GRIN2A: variants seen among roughly 807,000 people sequenced by gnomAD.
GRIN2A encodes glutamate ionotropic receptor NMDA type subunit 2A, also known as glutamate receptor ionotropic, NMDA 2A.
In GRIN2A, 22 loss-of-function variants were observed where a neutral mutation model predicts 113.4. The ratio of observed to expected loss-of-function variants is 0.19; its 90% confidence interval spans 0.14 to 0.28. GRIN2A has a LOEUF of 0.28. Among genes scored for constraint, GRIN2A ranks in the 10% least tolerant of loss-of-function variants. The pLI, the probability that GRIN2A is intolerant of heterozygous loss-of-function variation, is 1.00. For synonymous variants in GRIN2A, 827 were observed against 738.4 expected, an observed-to-expected ratio of 1.12 and a Z score of -1.94; for missense variants, 1,502 against 1,887.0, an observed-to-expected ratio of 0.80 and a Z score of 3.78.
intron 2 of GRIN2A, among the ~76,000 whole-genome samples, chr16:9,977,149 A>G (rs1270581336): frequency 6.6e-6 from 1 of 152,152 alleles, no homozygotes; most frequent in East Asian, 1.9e-4. Flanking sequence ...TAAACAAGCC[A>G]GGTGTGGGGA....
intron 2 of GRIN2A, among the ~76,000 whole-genome samples, chr16:10,078,181 T>A (rs1007441256): frequency 6.6e-6 from 1 of 152,188 alleles, no homozygotes; most frequent in African/African-American, 2.4e-5. Context: ...ACAACAATAA[T>A]GAAGTGCTTA....
chr16:10,090,154 A>G (rs2048159823), intron 2 of GRIN2A, among the ~76,000 whole-genome samples: 2 of 152,058 alleles, frequency 1.3e-5, no homozygotes, highest in South Asian at 2.1e-4. Flanking sequence ...CCTATACTCT[A>G]TTTTACCATA....
At chr16:9,807,870 G>A (rs528391099) in intron 10 of GRIN2A, among the ~76,000 whole-genome samples, 20 of 152,306 alleles carry the variant, frequency 1.3e-4, no homozygotes, top group Non-Finnish European at 7.3e-5. Flanking sequence ...TGACAGGAAG[G>A]AAAACATAAT....
intron 2 of GRIN2A, among the ~76,000 whole-genome samples, chr16:10,022,216 G>C (rs1246927523): frequency 1.3e-5 from 2 of 152,092 alleles, no homozygotes; most frequent in Non-Finnish European, 2.9e-5. Context: ...AAACTCCCTA[G>C]CAGAATAGAA....
intron 7 of GRIN2A, among the ~76,000 whole-genome samples, chr16:9,836,957 C>A (rs1254160595): frequency 2.0e-5 from 3 of 152,126 alleles, no homozygotes; most frequent in Non-Finnish European, 4.4e-5. Context: ...ACAGGAGATG[C>A]CATCTCTGTC....
chr16:10,131,990 A>G (rs1052070729), intron 2 of GRIN2A, among the ~76,000 whole-genome samples: 6 of 152,172 alleles, frequency 3.9e-5, no homozygotes, highest in South Asian at 2.1e-4. Context: ...ATATCCCTAA[A>G]AAAAAGTATT....
At position 9,817,130 on chromosome 16, in the gene GRIN2A, T is replaced by C. The variant is rs181969686; in HGVS notation, c.2168+5134A>G. Among the ~76,000 whole-genome samples, 27 of 152,328 alleles carry C rather than the reference T, an allele frequency of 1.8e-4. No homozygotes were observed. In the East Asian group the frequency reaches 4.8e-3, roughly 27 times the overall value. ...ATGCCTTTCTTCAAAAAATTAGGGA[T>C]TCCAAAGACAAGCATTTGGCTTGTC... On this transcript the variant is annotated intron_variant, in intron 10 of 12. Coordinates refer to ENST00000330684, the MANE Select transcript of GRIN2A (RefSeq NM_001134407.3).
intron 7 of GRIN2A, among the ~76,000 whole-genome samples, chr16:9,837,790 TA>T (rs1245436290): frequency 3.9e-5 from 6 of 152,172 alleles, no homozygotes; most frequent in African/African-American, 1.4e-4. Flanking sequence ...GCTCTCTTAT[TA>T]AAATACGAGT....
At chr16:9,828,826 T>G (rs1234671353) in intron 9 of GRIN2A, among the ~76,000 whole-genome samples, 2 of 151,890 alleles carry the variant, frequency 1.3e-5, no homozygotes, top group African/African-American at 4.8e-5. Context: ...AAAGAACCAG[T>G]GGGAAATTAA....
rs11575877 is a variant in GRIN2A at position 9,762,624 on chromosome 16, C to T, written c.*525G>A. On this transcript the variant is annotated 3_prime_UTR_variant, in exon 13 of 13. Coordinates refer to ENST00000330684, the MANE Select transcript of GRIN2A (RefSeq NM_001134407.3). ...CATAACAAGAAAGCTGAAACTGTTACGAGCCAAACTTCCTAATCTCTTGCA... is the reference window on the plus strand; with the variant it reads ...CATAACAAGAAAGCTGAAACTGTTATGAGCCAAACTTCCTAATCTCTTGCA... 7.1e-4 allele frequency: 170 copies of T among 239,604 alleles called. No homozygotes were observed. Among genetic ancestry groups the T allele is most frequent in the East Asian group, 3.5e-3 (57 of 16,480 alleles). The allele number at this position is 239,604 out of a possible 1,614,324, so 14.8% of individuals were successfully genotyped here.
chr16:9,776,577 C>A (rs186047337), intron 11 of GRIN2A, among the ~76,000 whole-genome samples: 6 of 152,234 alleles, frequency 3.9e-5, no homozygotes, highest in East Asian at 3.9e-4. Context: ...GAAATCAAGG[C>A]TGGCTCTTGG....
At chr16:9,941,900 G>C (rs1884092197) in intron 2 of GRIN2A, among the ~76,000 whole-genome samples, 5 of 152,140 alleles carry the variant, frequency 3.3e-5, no homozygotes, top group Admixed American at 3.3e-4. Context: ...CCCAGAAGTA[G>C]GGTGATTTTT....
At chr16:9,826,022 G>A (rs1385904987) in intron 9 of GRIN2A, among the ~76,000 whole-genome samples, 1 of 150,464 alleles carries the variant, frequency 6.6e-6, no homozygotes, top group African/African-American at 2.4e-5. Context: ...TGAGAGGGGG[G>A]AGTGGAAAGG....
intron 9 of GRIN2A, 85 bp downstream of exon 9, chr16:9,829,338 A>T (rs902409613): frequency 5.9e-6 from 5 of 841,394 alleles, no homozygotes; most frequent in Non-Finnish European, 8.1e-6. Flanking sequence ...ATGGATCTCA[A>T]TGAGAGGCAC....
chr16:9,939,826 A>G (rs137862322), intron 2 of GRIN2A, among the ~76,000 whole-genome samples: 2 of 152,172 alleles, frequency 1.3e-5, no homozygotes, highest in Non-Finnish European at 2.9e-5. Flanking sequence ...AAAAATGCCA[A>G]CTAAACAGAA....
In GRIN2A at chr16:9,764,005, T is replaced by A. The variant is rs972229279; in HGVS notation, c.3539A>T (p.Asn1180Ile). 1 of 1,614,042 alleles carries A rather than the reference T, an allele frequency of 6.2e-7. No homozygotes were observed. The highest frequency in any genetic ancestry group is 1.3e-5 in the African/African-American group (1 of 74,924). ...GGAGTAGAGTTTATACTGGTCGTTG[T>A]TGGAAAGCCCCTCTTCATTATGCAA... ...NPLHNEEGLSNNDQYKLYSKH... is the reference protein window; with the variant it reads ...NPLHNEEGLSINDQYKLYSKH... Residue 1180 changes from asparagine to isoleucine, a missense_variant, in exon 13 of 13, where the codon AAC becomes ATC. Physicochemically the swap from Asn to Ile is moderately radical, Grantham distance 149. Around this residue, in one of 7 missense-constraint regions of GRIN2A, gnomAD observed 832 missense variants for 789.7 expected, o/e 1.05. Coordinates refer to ENST00000330684, the MANE Select transcript of GRIN2A (RefSeq NM_001134407.3).
intron 10 of GRIN2A, among the ~76,000 whole-genome samples, chr16:9,802,918 C>G (rs1479670647): frequency 1.3e-5 from 2 of 152,224 alleles, no homozygotes; most frequent in East Asian, 3.9e-4. Context: ...AAGGGGAAGG[C>G]TTAGGGAGCA....
intron 4 of GRIN2A, among the ~76,000 whole-genome samples, chr16:9,857,868 T>C (rs1464417846): frequency 6.6e-6 from 1 of 152,254 alleles, no homozygotes; most frequent in Non-Finnish European, 1.5e-5. Context: ...TTAGTTTAAT[T>C]TAGACACAGT....
intron 2 of GRIN2A, among the ~76,000 whole-genome samples, chr16:10,144,272 A>G (rs754927922): frequency 1.3e-5 from 2 of 152,220 alleles, no homozygotes; most frequent in Non-Finnish European, 2.9e-5. Context: ...TAGCACCAAC[A>G]GTGTACAAGG....
Sources: gnomAD v4.1 joint callset for allele counts (sites outside exome capture counted in the v4.1 genomes callset) on GRCh38, gnomAD v4.1.1 for gene constraint, gnomAD v4.1.1 regional missense constraint, MANE v1.5 for transcripts, NCBI Gene and HGNC (gene_info 2026-07-23, HGNC 2026-07-21) for gene names.